Variants in EGFR observed in about 807,000 individuals in gnomAD.
EGFR encodes avian erythroblastic leukemia viral (v-erb-b) oncogene homolog.
A neutral mutation model predicts 143.0 loss-of-function variants in EGFR; 58 were observed. The observed-to-expected ratio is 0.41, with a 90% CI of 0.33 to 0.50. The LOEUF (loss-of-function observed/expected upper bound fraction) is 0.50, where lower values mean the gene tolerates loss of function less well. Among genes scored for constraint, EGFR ranks in the 20% least tolerant of loss-of-function variants. The pLI is 0.39. For missense variants in EGFR, 1,307 were observed against 1,579.0 expected, an observed-to-expected ratio of 0.83 and a Z score of 2.92; for synonymous variants, 613 against 594.4, an observed-to-expected ratio of 1.03 and a Z score of -0.45.
intron 1 of EGFR, among the ~76,000 whole-genome samples, chr7:55,074,050 C>T (rs1301450239): frequency 1.3e-5 from 2 of 152,362 alleles, no homozygotes; most frequent in Admixed American, 6.5e-5. Flanking sequence ...AACAGCCTGA[C>T]GTTGTCAGGG....
In EGFR at chr7:55,209,554, T is replaced by C. The variant is rs1200408559; in HGVS notation, c.*3937T>C. ...TTGAAATTGCCCTCAATGTCTACTC[T>C]GCATTTCTTTCTTGTGATAAGCACA... On this transcript the variant is annotated 3_prime_UTR_variant, in exon 28 of 28. Transcript: ENST00000275493. The C allele has an allele frequency of 2.0e-5, 3 of 152,240 alleles. No homozygotes were observed. Among genetic ancestry groups the C allele is most frequent in the Admixed American group, 2.0e-4 (3 of 15,286 alleles). The allele number at this position is 152,240 out of a possible 1,614,324, so 9.4% of individuals were successfully genotyped here.
At position 55,174,051 on chromosome 7, in the gene EGFR, C is replaced by G. The variant is rs1322299139; in HGVS notation, c.2184+8C>G. 23 of 1,614,162 alleles carry G rather than the reference C, an allele frequency of 1.4e-5. No individual in the cohort carries two copies. The highest frequency in any genetic ancestry group is 1.9e-5 in the Non-Finnish European group (23 of 1,180,028). On this transcript the variant is annotated splice_region_variant and intron_variant, in intron 18 of 27. Coordinates refer to ENST00000275493, the MANE Select transcript of EGFR (RefSeq NM_005228.5). ...TTCGGCACGGTGTATAAGGTAAGGT[C>G]CCTGGCACAGGCCTCTGGGCTGGGC...
At chr7:55,153,937 GTGC>G (rs1562763843) in intron 6 of EGFR, 71 bp from the exon 7 acceptor site, 1 of 1,607,340 alleles carries the variant, frequency 6.2e-7, no homozygotes, top group Non-Finnish European at 8.5e-7. Context: ...AGTCAACACC[GTGC>G]TGCGCTTCCT....
chr7:55,059,848 A>G (rs948109307), intron 1 of EGFR, among the ~76,000 whole-genome samples: 1 of 152,170 alleles, frequency 6.6e-6, no homozygotes, highest in Non-Finnish European at 1.5e-5. Flanking sequence ...CTTATAAGAA[A>G]GCAGTCATTC....
At chr7:55,036,065 T>C (rs543415823) in intron 1 of EGFR, among the ~76,000 whole-genome samples, 14 of 151,896 alleles carry the variant, frequency 9.2e-5, no homozygotes, top group Admixed American at 7.9e-4. Context: ...TTAAGTGAAA[T>C]GTTTTTGGTC....
intron 1 of EGFR, among the ~76,000 whole-genome samples, chr7:55,091,343 C>T (rs1189502412): frequency 6.6e-6 from 1 of 152,198 alleles, no homozygotes; most frequent in Admixed American, 6.5e-5. Context: ...AAACTACCAT[C>T]TTGAAAGGTT....
chr7:55,130,932 A>G (rs1386203890), intron 1 of EGFR, among the ~76,000 whole-genome samples: 3 of 152,178 alleles, frequency 2.0e-5, no homozygotes, highest in Non-Finnish European at 4.4e-5. Flanking sequence ...TCATCACAAC[A>G]TGTGAGCAGG....
rs754259847 is a variant in EGFR, at chr7:55,019,299, G to T, written c.22G>T (p.Gly8Trp). MRPSGTA[G>W]AALLALLAAL... ...AGCGATGCGACCCTCCGGGACGGCC[G>T]GGGCAGCGCTCCTGGCGCTGCTGGC... The change falls in exon 1 of 28, where the codon GGG (glycine) becomes TGG (tryptophan). Residue 8 changes from glycine to tryptophan, a missense_variant. Gly to Trp is a radical substitution (Grantham distance 184). Around this residue, in one of 7 missense-constraint regions of EGFR, gnomAD observed 65 missense variants for 37.8 expected, o/e 1.72. Transcript: ENST00000275493. 1 of 1,512,436 alleles carries T rather than the reference G, an allele frequency of 6.6e-7. No homozygotes were observed. The highest frequency in any genetic ancestry group is 1.9e-5 in the Admixed American group (1 of 51,556). The allele number at this position is 1,512,436 out of a possible 1,614,324, so 93.7% of individuals were successfully genotyped here. A position where few individuals can be genotyped will look rare whatever the true frequency, so the allele number is the denominator to read the frequency against.
rs1372170559 is a variant in EGFR at position 55,120,467 on chromosome 7, T to A, written c.89-21819T>A. ...ACTCTTGTTAGTAGAGAAAGCAATG[T>A]ATTACAACCACAAGGACGTTTACAT... On this transcript the variant is annotated intron_variant, in intron 1 of 27. Transcript: ENST00000275493. Among the ~76,000 whole-genome samples, 5 of 152,372 alleles carry A rather than the reference T, an allele frequency of 3.3e-5. No homozygotes were observed. The East Asian group carries it at 5.8e-4, about 18-fold the overall frequency.
At chr7:55,092,477 A>G (rs373757171) in intron 1 of EGFR, among the ~76,000 whole-genome samples, 1 of 152,160 alleles carries the variant, frequency 6.6e-6, no homozygotes, top group East Asian at 1.9e-4. Context: ...CTTGCAATCA[A>G]AACTAGGCTT....
rs542967903 is a variant in EGFR at position 55,198,857 on chromosome 7, G to A, written c.2842G>A (p.Val948Ile). The change falls in exon 23 of 28, where the codon GTC (valine) becomes ATC (isoleucine). Residue 948 changes from valine (V) to isoleucine (I), a missense_variant. Physicochemically the swap from Val to Ile is conservative, Grantham distance 29. Coordinates refer to ENST00000275493, the MANE Select transcript of EGFR (RefSeq NM_005228.5). ...TACCATCGATGTCTACATGATCATG[G>A]TCAAGTGTGAGTGACTGGTGGGTCT... ...ICTIDVYMIM[V>I]KCWMIDADSR... 7 of 1,614,184 alleles carry A rather than the reference G, an allele frequency of 4.3e-6. No homozygotes were observed. In the African/African-American group the frequency reaches 5.3e-5, roughly 12 times the overall value.
At chr7:55,166,753 ATGG>A (rs1425871433) in intron 15 of EGFR, among the ~76,000 whole-genome samples, 1 of 129,170 alleles carries the variant, frequency 7.7e-6, no homozygotes, top group Non-Finnish European at 1.6e-5. Context: ...GATGGTGTTG[ATGG>A]TGGTGAGGAG....
At chr7:55,168,595 C>A (rs2128949530) in intron 15 of EGFR, 1 of 1,608,634 alleles carries the variant, frequency 6.2e-7, no homozygotes, top group Non-Finnish European at 8.5e-7. Context: ...ATTTCAATTT[C>A]TCCCTTTGCT....
intron 1 of EGFR, among the ~76,000 whole-genome samples, chr7:55,065,239 T>A (rs1178211993): frequency 1.3e-5 from 2 of 152,140 alleles, no homozygotes; most frequent in Admixed American, 6.5e-5. Context: ...CTTTAATGCA[T>A]AAACACTGAG....
At chr7:55,061,221 C>T (rs986610916) in intron 1 of EGFR, among the ~76,000 whole-genome samples, 5 of 146,876 alleles carry the variant, frequency 3.4e-5, no homozygotes, top group African/African-American at 1.3e-4. Context: ...GATAAGGATT[C>T]TGCCTTTTAT....
intron 1 of EGFR, among the ~76,000 whole-genome samples, chr7:55,091,531 C>T (rs1038603941): frequency 1.3e-5 from 2 of 152,176 alleles, no homozygotes; most frequent in African/African-American, 2.4e-5. Context: ...CTCCCTTCGA[C>T]AGTACAGGCT....
At chr7:55,022,873 A>T (rs1321844825) in intron 1 of EGFR, among the ~76,000 whole-genome samples, 2 of 152,374 alleles carry the variant, frequency 1.3e-5, no homozygotes, top group African/African-American at 4.8e-5. Flanking sequence ...TCCACGTGAC[A>T]GCACTAACAT....
intron 1 of EGFR, among the ~76,000 whole-genome samples, chr7:55,056,725 C>T (rs1455826666): frequency 2.0e-5 from 3 of 152,172 alleles, no homozygotes; most frequent in East Asian, 1.9e-4. Context: ...GAGTGACTGA[C>T]GGAATGAAAA....
At chr7:55,020,885 T>TA (rs34696698) in intron 1 of EGFR, among the ~76,000 whole-genome samples, 23,690 of 144,100 alleles carry the variant, frequency 0.16, 1,883 homozygotes, top group Admixed American at 0.2. Flanking sequence ...TACCTGGGAT[T>TA]AAAAAAAAAA....
Sources: gnomAD v4.1 joint callset for allele counts (sites outside exome capture counted in the v4.1 genomes callset) on GRCh38, gnomAD v4.1.1 for gene constraint, gnomAD v4.1.1 regional missense constraint, MANE v1.5 for transcripts, NCBI Gene and HGNC (gene_info 2026-07-23, HGNC 2026-07-21) for gene names.